HS3ST4: variants seen among roughly 807,000 people sequenced by gnomAD.
HS3ST4 encodes heparan sulfate-glucosamine 3-sulfotransferase 4.
HS3ST4 carries 17 observed loss-of-function variants against 29.2 expected under a neutral mutation model. The observed-to-expected ratio is 0.58, with a 90% CI of 0.40 to 0.87. HS3ST4 has a LOEUF of 0.87. Among genes scored for constraint, HS3ST4 ranks in the 40% least tolerant of loss-of-function variants. HS3ST4 has a pLI of 0.00. For missense variants in HS3ST4, 627 were observed against 634.5 expected (o/e 0.99, Z 0.13); for synonymous variants, 314 against 285.7 (o/e 1.10, Z -1.00).
At chr16:26,134,573 G>A (rs895716676) in intron 1 of HS3ST4, among the ~76,000 whole-genome samples, 1 of 151,922 alleles carries the variant, frequency 6.6e-6, no homozygotes, top group African/African-American at 2.4e-5. Flanking sequence ...TATTGGCCAG[G>A]CTGGTCTTGA....
intron 1 of HS3ST4, among the ~76,000 whole-genome samples, chr16:25,719,756 C>T (rs1036137032): frequency 6.6e-6 from 1 of 152,192 alleles, no homozygotes; most frequent in South Asian, 2.1e-4. Flanking sequence ...AGAATTCCTT[C>T]CAGAAGACCA....
At chr16:25,752,353 C>T (rs1966727576) in intron 1 of HS3ST4, among the ~76,000 whole-genome samples, 1 of 151,962 alleles carries the variant, frequency 6.6e-6, no homozygotes, top group South Asian at 2.1e-4. Flanking sequence ...TGTACTTGGA[C>T]AAGAAAGGCC....
At chr16:25,925,158 T>C (rs1485739332) in intron 1 of HS3ST4, among the ~76,000 whole-genome samples, 1 of 151,136 alleles carries the variant, frequency 6.6e-6, no homozygotes, top group Non-Finnish European at 1.5e-5. Context: ...CTCCTACTTC[T>C]ACATGGGCTA....
At chr16:25,983,734 G>A (rs1969032926) in intron 1 of HS3ST4, among the ~76,000 whole-genome samples, 2 of 152,162 alleles carry the variant, frequency 1.3e-5, no homozygotes, top group African/African-American at 2.4e-5. Context: ...AAAGTGTGAA[G>A]TGTGTGTTGT....
chr16:25,724,740 T>C (rs1966520363), intron 1 of HS3ST4, among the ~76,000 whole-genome samples: 1 of 152,158 alleles, frequency 6.6e-6, no homozygotes, highest in Admixed American at 6.5e-5. Context: ...AGCTGGCTCA[T>C]AAAATTCCTC....
chr16:26,071,710 C>T (rs1460668488), intron 1 of HS3ST4, among the ~76,000 whole-genome samples: 2 of 152,060 alleles, frequency 1.3e-5, no homozygotes, highest in Non-Finnish European at 2.9e-5. Flanking sequence ...AGGAATACAC[C>T]AGGGCTGGAA....
At chr16:25,772,793 A>G (rs1966844096) in intron 1 of HS3ST4, among the ~76,000 whole-genome samples, 1 of 152,180 alleles carries the variant, frequency 6.6e-6, no homozygotes, top group South Asian at 2.1e-4. Context: ...GAAACGTTTG[A>G]CATTTCATTT....
intron 1 of HS3ST4, among the ~76,000 whole-genome samples, chr16:25,996,535 T>C (rs1376321058): frequency 6.6e-6 from 1 of 152,172 alleles, no homozygotes; most frequent in Admixed American, 6.5e-5. Context: ...ATTTATTAAA[T>C]AAAACTATGC....
At chr16:25,879,699 A>G (rs751645833) in intron 1 of HS3ST4, among the ~76,000 whole-genome samples, 3 of 152,108 alleles carry the variant, frequency 2.0e-5, no homozygotes, top group African/African-American at 7.2e-5. Flanking sequence ...AGGAAACTGA[A>G]CCTAAGGAAG....
rs554418344 is a variant in HS3ST4 at position 26,058,448 on chromosome 16, G to A, written c.735-77164G>A. Among the ~76,000 whole-genome samples the A allele has an allele frequency of 3.3e-5, 5 of 152,314 alleles. No homozygotes were observed. The South Asian group carries it at 1.0e-3, about 32-fold the overall frequency. ...ACGAGTGAGCTAAAGAGGCCAGCAG[G>A]AGAGAGCTCCTTGGCTGAGAACACT... On this transcript the variant is annotated intron_variant, in intron 1 of 1. Coordinates refer to ENST00000331351, the MANE Select transcript of HS3ST4 (RefSeq NM_006040.3).
At chr16:25,729,695 G>A (rs768728788) in intron 1 of HS3ST4, among the ~76,000 whole-genome samples, 17 of 152,072 alleles carry the variant, frequency 1.1e-4, no homozygotes, top group Non-Finnish European at 2.1e-4. Context: ...CTTGCACTTC[G>A]GCAAAAATTT....
At chr16:26,125,435 G>A (rs553794323) in intron 1 of HS3ST4, among the ~76,000 whole-genome samples, 2 of 152,346 alleles carry the variant, frequency 1.3e-5, no homozygotes, top group South Asian at 4.1e-4. Context: ...TGATGCTGCT[G>A]ATCTGACAGG....
chr16:25,888,636 C>A (rs552106229), intron 1 of HS3ST4, among the ~76,000 whole-genome samples: 2 of 152,156 alleles, frequency 1.3e-5, no homozygotes, highest in Non-Finnish European at 2.9e-5. Flanking sequence ...GCCTGCCTAC[C>A]CTTGGAGCTA....
intron 1 of HS3ST4, among the ~76,000 whole-genome samples, chr16:26,056,471 T>G (rs1201705687): frequency 1.3e-5 from 2 of 152,204 alleles, no homozygotes. Flanking sequence ...TGTGGCTGTG[T>G]GCTCCACCAA....
chr16:25,940,201 ATT>A (rs10577362), intron 1 of HS3ST4, among the ~76,000 whole-genome samples: 29,428 of 146,120 alleles, frequency 0.2, 3,428 homozygotes, highest in African/African-American at 0.32. Flanking sequence ...TCCAGATTTG[ATT>A]TTTTTTTTTT....
At chr16:25,754,474 TC>T (rs1339911107) in intron 1 of HS3ST4, among the ~76,000 whole-genome samples, 1 of 151,684 alleles carries the variant, frequency 6.6e-6, no homozygotes, top group Non-Finnish European at 1.5e-5. Flanking sequence ...CATCCACCCA[TC>T]CACCTACCCA....
intron 1 of HS3ST4, among the ~76,000 whole-genome samples, chr16:25,827,113 C>G (rs1225979526): frequency 6.6e-6 from 1 of 152,052 alleles, no homozygotes; most frequent in Non-Finnish European, 1.5e-5. Context: ...AAATTGAAAA[C>G]CCAGCAGGGA....
rs141102384 is a variant in HS3ST4 at position 25,902,297 on chromosome 16, G to A, written c.734+209146G>A. On this transcript the variant is annotated intron_variant, in intron 1 of 1. Coordinates refer to ENST00000331351, the MANE Select transcript of HS3ST4 (RefSeq NM_006040.3). ...GTTGTGAGGACAAGATGGGAAGATC[G>A]CTTGAGCCCAGGTGTTTGAGACCCC... 3.5e-3 allele frequency among the ~76,000 whole-genome samples: 531 copies of A among 151,998 alleles called. 3 individuals carry two copies. The highest frequency in any genetic ancestry group is 4.1e-3 in the Non-Finnish European group (279 of 67,972).
intron 1 of HS3ST4, among the ~76,000 whole-genome samples, chr16:25,813,802 T>C: frequency 6.6e-6 from 1 of 152,218 alleles, no homozygotes; most frequent in East Asian, 1.9e-4. Flanking sequence ...GCAGCTTTAT[T>C]TGCAATAGCT....
Sources: allele counts gnomAD v4.1 joint callset (sites outside exome capture counted in the v4.1 genomes callset), GRCh38; gene constraint gnomAD v4.1.1; transcripts MANE v1.5; gene names NCBI Gene and HGNC (gene_info 2026-07-23, HGNC 2026-07-21).